NFATC3: variants seen among roughly 807,000 people sequenced by gnomAD.
NFATC3 encodes the protein nuclear factor of activated T cells 3, also known as nuclear factor of activated T-cells, cytoplasmic 3.
NFATC3 carries 46 observed loss-of-function variants against 98.6 expected under a neutral mutation model. That is an observed-to-expected ratio of 0.47 (90% CI 0.37 to 0.60). The LOEUF (loss-of-function observed/expected upper bound fraction) is 0.60, where lower values mean the gene tolerates loss of function less well. Ranked by LOEUF, NFATC3 falls within the 20% of genes least tolerant of loss-of-function variation. The probability of loss-of-function intolerance (pLI) is 0.00; values close to 1 mark genes in which losing one functional copy is unlikely to be tolerated. For synonymous variants in NFATC3, 512 were observed against 472.2 expected (o/e 1.08, Z -1.09); for missense variants, 1,256 against 1,295.5 (o/e 0.97, Z 0.47).
intron 3 of NFATC3, among the ~76,000 whole-genome samples, chr16:68,132,415 T>C (rs1329846593): frequency 6.6e-6 from 1 of 152,084 alleles, no homozygotes; most frequent in African/African-American, 2.4e-5. Flanking sequence ...CCCTCAAGAA[T>C]AAAAGAATAA....
chr16:68,220,885 C>T (rs2041840195), intron 9 of NFATC3, among the ~76,000 whole-genome samples: 1 of 151,666 alleles, frequency 6.6e-6, no homozygotes, highest in South Asian at 2.1e-4. Flanking sequence ...CGCCACCGCA[C>T]TCCAGCCTGG....
At chr16:68,125,075 C>G (rs1455143378) in intron 2 of NFATC3, among the ~76,000 whole-genome samples, 1 of 152,200 alleles carries the variant, frequency 6.6e-6, no homozygotes, top group Non-Finnish European at 1.5e-5. Flanking sequence ...CAATCCTGAT[C>G]TTTAGAAAAA....
At chr16:68,100,887 C>CTGTGTGTGTGTGTGTGTGGGGTGTG (rs1391675742) in intron 1 of NFATC3, among the ~76,000 whole-genome samples, 1 of 146,280 alleles carries the variant, frequency 6.8e-6, no homozygotes, top group Non-Finnish European at 1.5e-5. Context: ...TTTGAGAGTT[C>CTGTGTGTGTGTGTGTGTGGGGTGTG]TGTGTGTGTG....
intron 3 of NFATC3, among the ~76,000 whole-genome samples, chr16:68,146,227 T>C (rs763820439): frequency 6.6e-6 from 1 of 152,120 alleles, no homozygotes; most frequent in South Asian, 2.1e-4. Context: ...GTAGTACATA[T>C]ACATACTATT....
In NFATC3 at chr16:68,191,185, CT is replaced by C. The variant is rs768323429; in HGVS notation, c.2517del (p.Gly840ValfsTer2). On this transcript the variant is annotated frameshift_variant, in exon 9 of 10. Coordinates refer to ENST00000346183, the MANE Select transcript of NFATC3 (RefSeq NM_173165.3). LOFTEE classifies it high-confidence loss of function. ...SVLFQQDATL[S>X]GLVNLGCQPL... is the part of the protein sequence containing the mutation. ...TTGTTTCAGCAGGATGCAACTCTTT[CT>C]GGTTTAGTGAATCTTGGCTGTCAAC... 6.2e-7 allele frequency: 1 copy of C among 1,614,180 alleles called. No homozygotes were observed. The highest frequency in any genetic ancestry group is 1.1e-5 in the South Asian group (1 of 91,080).
chr16:68,128,356 CA>C (rs1266377468), intron 3 of NFATC3, among the ~76,000 whole-genome samples: 8 of 151,530 alleles, frequency 5.3e-5, no homozygotes, highest in African/African-American at 7.3e-5. Flanking sequence ...GCCAGGAAAA[CA>C]AAACATAAGA....
At chr16:68,177,306 C>T (rs1346869820) in intron 6 of NFATC3, among the ~76,000 whole-genome samples, 1 of 152,122 alleles carries the variant, frequency 6.6e-6, no homozygotes, top group East Asian at 1.9e-4. Flanking sequence ...CCGTCTTGGC[C>T]TCCCAAAGTC....
intron 9 of NFATC3, among the ~76,000 whole-genome samples, chr16:68,202,831 AT>A (rs1294660351): frequency 1.3e-4 from 19 of 151,562 alleles, no homozygotes; most frequent in African/African-American, 4.4e-4. Flanking sequence ...TAAATAAATA[AT>A]AAAAAAAAAT....
rs760668413 is a variant in NFATC3 at position 68,191,373 on chromosome 16, A to G, written c.2704A>G (p.Ile902Val). 6 of 1,614,024 alleles carry G rather than the reference A, an allele frequency of 3.7e-6. No homozygotes were observed. The highest frequency in any genetic ancestry group is 4.2e-6 in the Non-Finnish European group (5 of 1,180,014). ...RSLSSPVADQITGQPSSQLQP... is the reference protein window; with the variant it reads ...RSLSSPVADQVTGQPSSQLQP... ...TCTTTCTTCTCCAGTGGCTGACCAG[A>G]TTACAGGTCAGCCTTCGTCTCAGTT... Residue 902 changes from isoleucine to valine, a missense_variant, in exon 9 of 10, where the codon ATT becomes GTT. Physicochemically the swap from Ile to Val is conservative, Grantham distance 29 (BLOSUM62 3). Around this residue, in one of 3 missense-constraint regions of NFATC3, gnomAD observed 636 missense variants for 617.3 expected, o/e 1.03. Transcript: ENST00000346183.
chr16:68,199,372 C>T (rs533907797), intron 9 of NFATC3, among the ~76,000 whole-genome samples: 11 of 148,920 alleles, frequency 7.4e-5, no homozygotes, highest in Middle Eastern at 3.5e-3. Flanking sequence ...TACAGGCGCC[C>T]GCCACCACGC....
intron 3 of NFATC3, among the ~76,000 whole-genome samples, chr16:68,149,866 G>T (rs2038225445): frequency 1.3e-5 from 2 of 152,178 alleles, no homozygotes; most frequent in Admixed American, 6.5e-5. Context: ...GGGAAAAGTT[G>T]TCTGTGTAGA....
At chr16:68,221,424 C>T in intron 9 of NFATC3, 5 of 1,418,176 alleles carry the variant, frequency 3.5e-6, no homozygotes, top group Non-Finnish European at 4.6e-6. Context: ...GACTCCCTAG[C>T]CTAAAATTTA....
chr16:68,190,879 A>T lies in NFATC3; in HGVS notation c.2210A>T (p.His737Leu), dbSNP rs113767839. Residue 737 changes from histidine (H) to leucine (L), a missense_variant, in exon 9 of 10, where the codon CAT becomes CTT. Coordinates refer to ENST00000346183, the MANE Select transcript of NFATC3 (RefSeq NM_173165.3). Reference protein sequence around the residue: ...QRPSSDSGCSHDSVLSGQRSL... With the variant: ...QRPSSDSGCSLDSVLSGQRSL... The stretch of plus-strand genomic sequence containing the variant: ...CCTTCCTCTGATTCAGGGTGTTCAC[A>T]TGACAGTGTACTGTCAGGACAGAGA... 8.1e-6 allele frequency: 13 copies of T among 1,614,212 alleles called. No individual in the cohort carries two copies. In the African/African-American group the frequency reaches 1.2e-4, roughly 15 times the overall value.
chr16:68,217,648 C>G, intron 9 of NFATC3: 1 of 1,231,048 alleles, frequency 8.1e-7, no homozygotes, highest in Non-Finnish European at 1.0e-6. Flanking sequence ...AAATTTCTCT[C>G]ACACCTCATG....
Position 68,085,414 on chromosome 16 carries a change from G to C in NFATC3, c.-268G>C, listed in dbSNP as rs573960172. On this transcript the variant is annotated 5_prime_UTR_variant, in exon 1 of 10. Coordinates refer to ENST00000346183, the MANE Select transcript of NFATC3 (RefSeq NM_173165.3). ...GCGGCGGCGGTGGCGGCGACTGTGG[G>C]GGGGCGGCGGGGAACATTGGCTAAG... is the stretch of plus-strand genomic sequence containing the variant. The C allele has an allele frequency of 4.1e-5, 11 of 267,214 alleles. No individual in the cohort carries two copies. The highest frequency in any genetic ancestry group is 9.7e-5 in the South Asian group (1 of 10,268). The allele number at this position is 267,214 out of a possible 1,614,324, so 16.6% of individuals were successfully genotyped here. A position where few individuals can be genotyped will look rare whatever the true frequency, so the allele number is the denominator to read the frequency against.
At chr16:68,137,582 T>A (rs903657084) in intron 3 of NFATC3, among the ~76,000 whole-genome samples, 1 of 152,058 alleles carries the variant, frequency 6.6e-6, no homozygotes, top group Admixed American at 6.6e-5. Flanking sequence ...TACACTGTAA[T>A]TATCTCATAA....
At chr16:68,181,453 T>C in intron 6 of NFATC3, 22 bp from the exon 7 acceptor site, 2 of 1,593,838 alleles carry the variant, frequency 1.3e-6, no homozygotes, top group Non-Finnish European at 1.7e-6. Flanking sequence ...TGCTTTTAAC[T>C]ATAAACTCTT....
intron 1 of NFATC3, among the ~76,000 whole-genome samples, chr16:68,091,924 A>C (rs1171293321): frequency 6.6e-6 from 1 of 152,204 alleles, no homozygotes; most frequent in African/African-American, 2.4e-5. Flanking sequence ...TTGTTCAGGG[A>C]GGCTTGGGAG....
In NFATC3 at chr16:68,226,492, T is replaced by A. The variant is rs370306530; in HGVS notation, c.*21T>A. 7.7e-5 allele frequency: 113 copies of A among 1,471,370 alleles called. No homozygotes were observed. Among genetic ancestry groups the A allele is most frequent in the Non-Finnish European group, 9.7e-5 (108 of 1,115,084 alleles). The allele number at this position is 1,471,370 out of a possible 1,614,324, so 91.1% of individuals were successfully genotyped here. ...TCTAACAGTGCTTACTGCAGCCTTG[T>A]GTCCACCACCAACTTCTCAGCATGT... On this transcript the variant is annotated 3_prime_UTR_variant, in exon 10 of 10. Coordinates refer to ENST00000346183, the MANE Select transcript of NFATC3 (RefSeq NM_173165.3).
Sources: gnomAD v4.1 joint callset for allele counts (sites outside exome capture counted in the v4.1 genomes callset) on GRCh38, gnomAD v4.1.1 for gene constraint, gnomAD v4.1.1 regional missense constraint, MANE v1.5 for transcripts, NCBI Gene and HGNC (gene_info 2026-07-23, HGNC 2026-07-21) for gene names.